The following STAP1 variants were observed in gnomAD, a reference collection of about 807,000 sequenced individuals.
STAP1 encodes the protein signal transducing adaptor family member 1.
STAP1 carries 30 observed loss-of-function variants against 37.8 expected under a neutral mutation model. The observed-to-expected ratio is 0.79, with a 90% CI of 0.59 to 1.08. The LOEUF is 1.08. Among genes scored for constraint, STAP1 ranks in the 50% least tolerant of loss-of-function variants. The probability of loss-of-function intolerance (pLI) is 0.00; values close to 1 mark genes in which losing one functional copy is unlikely to be tolerated. For missense variants in STAP1, 357 were observed against 349.4 expected, an observed-to-expected ratio of 1.02 and a Z score of -0.17; for synonymous variants, 130 against 116.0, an observed-to-expected ratio of 1.12 and a Z score of -0.78.
rs186892966 is a variant in STAP1 at position 67,576,085 on chromosome 4, T to C, written c.306+587T>C. On this transcript the variant is annotated intron_variant, in intron 3 of 8. Transcript: ENST00000265404. ...GCTGTTTTATTAGTTATTCATTCAT[T>C]GTGATTATAGGCAAGTTACTTACCC... Among the ~76,000 whole-genome samples the C allele has an allele frequency of 1.7e-3, 258 of 152,318 alleles. 3 individuals are homozygous for C. Among genetic ancestry groups the C allele is most frequent in the African/African-American group, 3.6e-3 (149 of 41,578 alleles).
rs1459030219 is a variant in STAP1, at chr4:67,601,860, C to T, written c.827-4436C>T. On this transcript the variant is annotated intron_variant, in intron 8 of 8. Coordinates refer to ENST00000265404, the MANE Select transcript of STAP1 (RefSeq NM_012108.4). ...TGAAATCTGCTTGGTGTTCTATAACCTTTTGTACTTGAATATTTATATCTT... is the reference window on the plus strand; with the variant it reads ...TGAAATCTGCTTGGTGTTCTATAACTTTTTGTACTTGAATATTTATATCTT... Among the ~76,000 whole-genome samples the T allele has an allele frequency of 2.0e-5, 3 of 152,076 alleles. No homozygotes were observed. The East Asian group carries it at 5.8e-4, about 29-fold the overall frequency.
Position 67,583,606 on chromosome 4 carries a change from C to T in STAP1, c.563C>T (p.Thr188Ile). 3.1e-6 allele frequency: 5 copies of T among 1,613,670 alleles called. No individual in the cohort carries two copies. Among genetic ancestry groups the T allele is most frequent in the Non-Finnish European group, 4.2e-6 (5 of 1,179,816 alleles). ...CFYTVSRKEA[T>I]EMLQKNPSLG... Reference sequence around the variant, plus strand: ...TATACAGTGTCCCGGAAAGAGGCAACTGAGATGCTCCAGAAGAACCCTTCT... The same window carrying T: ...TATACAGTGTCCCGGAAAGAGGCAATTGAGATGCTCCAGAAGAACCCTTCT... Residue 188 changes from threonine to isoleucine, a missense_variant, in exon 6 of 9, where the codon ACT becomes ATT. Coordinates refer to ENST00000265404, the MANE Select transcript of STAP1 (RefSeq NM_012108.4).
intron 1 of STAP1, among the ~76,000 whole-genome samples, chr4:67,569,509 A>G (rs1727550672): frequency 6.6e-6 from 1 of 152,190 alleles, no homozygotes; most frequent in Non-Finnish European, 1.5e-5. Flanking sequence ...TTTTGTAATA[A>G]CATTACCTTA....
chr4:67,584,239 T>C (rs1164101675), intron 6 of STAP1, among the ~76,000 whole-genome samples: 1 of 152,182 alleles, frequency 6.6e-6, no homozygotes, highest in East Asian at 1.9e-4. Flanking sequence ...AGTTGCATTG[T>C]TCATTCATTC....
intron 8 of STAP1, among the ~76,000 whole-genome samples, chr4:67,600,336 T>C (rs904502151): frequency 6.6e-6 from 1 of 152,222 alleles, no homozygotes; most frequent in Non-Finnish European, 1.5e-5. Flanking sequence ...TACTGATTTC[T>C]AGTTTTATTC....
intron 6 of STAP1, among the ~76,000 whole-genome samples, chr4:67,587,461 C>G (rs1186654348): frequency 2.0e-5 from 3 of 152,196 alleles, no homozygotes; most frequent in Non-Finnish European, 4.4e-5. Flanking sequence ...GACTATCATC[C>G]ACCTTTACCT....
chr4:67,575,301 A>C (rs113501749), intron 2 of STAP1, 84 bp from the exon 3 acceptor site: 1 of 818,646 alleles, frequency 1.2e-6, no homozygotes, highest in African/African-American at 1.8e-5. Flanking sequence ...GTTGAAAGGA[A>C]GATATTACTT....
At chr4:67,600,997 A>G (rs1728330007) in intron 8 of STAP1, among the ~76,000 whole-genome samples, 1 of 152,112 alleles carries the variant, frequency 6.6e-6, no homozygotes, top group African/African-American at 2.4e-5. Flanking sequence ...AGGACTTACT[A>G]CTGCCATTTT....
chr4:67,563,319 C>T (rs1578019922), intron 1 of STAP1, among the ~76,000 whole-genome samples: 2 of 152,196 alleles, frequency 1.3e-5, no homozygotes, highest in African/African-American at 4.8e-5. Flanking sequence ...TGAGGTATAA[C>T]ATATAATGGA....
At chr4:67,604,764 A>T (rs1728414668) in intron 8 of STAP1, among the ~76,000 whole-genome samples, 2 of 152,008 alleles carry the variant, frequency 1.3e-5, no homozygotes, top group Admixed American at 1.3e-4. Flanking sequence ...TCCTGTTAAA[A>T]TTCTCTGGTG....
At chr4:67,561,991 G>A (rs1052073128) in intron 1 of STAP1, among the ~76,000 whole-genome samples, 1 of 143,150 alleles carries the variant, frequency 7.0e-6, no homozygotes, top group Non-Finnish European at 1.5e-5. Flanking sequence ...AGAATCACTT[G>A]AACCTGGGAG....
intron 1 of STAP1, among the ~76,000 whole-genome samples, chr4:67,569,518 TAAAAC>T (rs1727550862): frequency 6.6e-6 from 1 of 152,178 alleles, no homozygotes; most frequent in Non-Finnish European, 1.5e-5. Context: ...AACATTACCT[TAAAAC>T]AAAAACACAT....
At chr4:67,577,096 A>C in intron 3 of STAP1, 107 bp from the exon 4 acceptor site, 1 of 1,032,680 alleles carries the variant, frequency 9.7e-7, no homozygotes, top group Non-Finnish European at 1.4e-6. Context: ...CTAAGCCAAA[A>C]AAAGAAAATG....
Position 67,581,508 on chromosome 4 carries a change from T to C in STAP1, c.530+37T>C. ...ATGAACTGCAGTTTATTCATTCGAT[T>C]GTTAAAACTAATTTCTAATTATAAA... On this transcript the variant is annotated intron_variant, in intron 5 of 8. Coordinates refer to ENST00000265404, the MANE Select transcript of STAP1 (RefSeq NM_012108.4). 1.9e-6 allele frequency: 3 copies of C among 1,564,876 alleles called. No homozygotes were observed. The Middle Eastern group carries it at 5.2e-4, about 269-fold the overall frequency.
At chr4:67,589,050 A>G (rs1432542963) in intron 6 of STAP1, among the ~76,000 whole-genome samples, 2 of 152,220 alleles carry the variant, frequency 1.3e-5, no homozygotes, top group African/African-American at 4.8e-5. Flanking sequence ...CAGAGAACCC[A>G]CATGACAATC....
At chr4:67,596,947 A>G (rs1728238799) in intron 8 of STAP1, among the ~76,000 whole-genome samples, 1 of 152,238 alleles carries the variant, frequency 6.6e-6, no homozygotes, top group South Asian at 2.1e-4. Flanking sequence ...TCTGGGGACA[A>G]ATTCAAGCTG....
chr4:67,574,360 T>A (rs946943366), intron 2 of STAP1, among the ~76,000 whole-genome samples: 3 of 152,134 alleles, frequency 2.0e-5, no homozygotes, highest in Non-Finnish European at 2.9e-5. Context: ...TTTATTATCA[T>A]TAAATATGAT....
At chr4:67,593,150 C>A in intron 7 of STAP1, 110 bp from the exon 8 acceptor site, 1 of 698,316 alleles carries the variant, frequency 1.4e-6, no homozygotes, top group Non-Finnish European at 2.4e-6. Flanking sequence ...TACAGTAAGC[C>A]ATTGAAGTGA....
chr4:67,581,106 G>T (rs1176959564), intron 4 of STAP1, among the ~76,000 whole-genome samples, 199 bp from the exon 5 acceptor site: 2 of 152,208 alleles, frequency 1.3e-5, no homozygotes, highest in Admixed American at 6.5e-5. Flanking sequence ...GGCACTCTGT[G>T]CAGGTTGTAG....
Sources: allele counts gnomAD v4.1 joint callset (sites outside exome capture counted in the v4.1 genomes callset), GRCh38; gene constraint gnomAD v4.1.1; transcripts MANE v1.5; gene names NCBI Gene and HGNC (gene_info 2026-07-23, HGNC 2026-07-21).